DLGAP1: variants seen among roughly 807,000 people sequenced by gnomAD.
DLGAP1 encodes the protein disks large-associated protein 1.
Under a neutral mutation model 90.8 loss-of-function variants are expected in DLGAP1, and 11 were observed. The ratio of observed to expected loss-of-function variants is 0.12; its 90% CI spans 0.08 to 0.20. The LOEUF is 0.20. Ranked by LOEUF, DLGAP1 falls within the 10% of genes least tolerant of loss-of-function variation. The pLI is 1.00. For missense variants in DLGAP1, 1,050 were observed against 1,333.8 expected (o/e 0.79, Z 3.31); for synonymous variants, 558 against 540.7 (o/e 1.03, Z -0.44).
chr18:4,154,228 T>G (rs936938972), intron 1 of DLGAP1, among the ~76,000 whole-genome samples: 3 of 137,010 alleles, frequency 2.2e-5, no homozygotes, highest in African/African-American at 8.4e-5. Flanking sequence ...ACCCGGCTAT[T>G]TTTTTTTTTT....
intron 2 of DLGAP1, among the ~76,000 whole-genome samples, chr18:4,073,250 C>T (rs1347084922): frequency 1.3e-5 from 2 of 152,086 alleles, no homozygotes; most frequent in East Asian, 3.8e-4. Flanking sequence ...AACTCATAAC[C>T]AATTTTTTGA....
intron 1 of DLGAP1, among the ~76,000 whole-genome samples, chr18:4,178,202 A>AACACACACACACACAC (rs59444096): frequency 3.7e-4 from 44 of 118,476 alleles, no homozygotes; most frequent in African/African-American, 1.3e-3. Context: ...TCCTGGAATA[A>AACACACACACACACAC]ACACACACAC....
At chr18:3,825,575 AT>A (rs1011693488) in intron 4 of DLGAP1, among the ~76,000 whole-genome samples, 25 of 152,074 alleles carry the variant, frequency 1.6e-4, no homozygotes, top group African/African-American at 4.8e-4. Context: ...AATTTTGTGG[AT>A]TTTTTTTCCA....
chr18:4,257,935 T>G (rs2078922997), intron 1 of DLGAP1, among the ~76,000 whole-genome samples: 1 of 151,846 alleles, frequency 6.6e-6, no homozygotes, highest in African/African-American at 2.4e-5. Context: ...CAGTTCATTT[T>G]CTAGCAATCG....
At chr18:3,765,620 G>C (rs570781644) in intron 5 of DLGAP1, among the ~76,000 whole-genome samples, 5 of 152,086 alleles carry the variant, frequency 3.3e-5, no homozygotes, top group African/African-American at 1.2e-4. Flanking sequence ...GATCACCTGA[G>C]GTCAGGAGTT....
intron 2 of DLGAP1, among the ~76,000 whole-genome samples, chr18:4,065,599 G>T (rs2075359356): frequency 6.6e-6 from 1 of 151,950 alleles, no homozygotes; most frequent in Non-Finnish European, 1.5e-5. Context: ...AAATACTTGG[G>T]AATACAGCTA....
intron 9 of DLGAP1, among the ~76,000 whole-genome samples, chr18:3,537,189 G>T (rs765373700): frequency 6.6e-6 from 1 of 151,954 alleles, no homozygotes; most frequent in Admixed American, 6.6e-5. Flanking sequence ...TGCAACCATC[G>T]CCACCATCCA....
At chr18:3,752,850 G>A (rs2063560262) in intron 5 of DLGAP1, among the ~76,000 whole-genome samples, 1 of 151,996 alleles carries the variant, frequency 6.6e-6, no homozygotes, top group Admixed American at 6.6e-5. Context: ...GTTGTAGCAT[G>A]TATCAGTACT....
At chr18:3,576,647 C>A (rs2055164092) in intron 8 of DLGAP1, among the ~76,000 whole-genome samples, 1 of 151,734 alleles carries the variant, frequency 6.6e-6, no homozygotes, top group Admixed American at 6.6e-5. Context: ...TCACTGCAAC[C>A]TTCGCCTCCC....
chr18:3,996,276 G>C (rs1038027281), intron 3 of DLGAP1, among the ~76,000 whole-genome samples: 19 of 151,906 alleles, frequency 1.3e-4, no homozygotes, highest in African/African-American at 4.4e-4. Flanking sequence ...AAAAACAAAG[G>C]CTTTCTACTT....
chr18:3,801,389 C>T (rs1276644929), intron 5 of DLGAP1, among the ~76,000 whole-genome samples: 1 of 152,204 alleles, frequency 6.6e-6, no homozygotes, highest in Non-Finnish European at 1.5e-5. Context: ...CATTCTTTCC[C>T]TGCAGCAGTA....
chr18:3,843,127 T>C (rs1400006874), intron 4 of DLGAP1, among the ~76,000 whole-genome samples: 1 of 152,196 alleles, frequency 6.6e-6, no homozygotes, highest in East Asian at 1.9e-4. Context: ...TGTGTGTGTG[T>C]ATATAGGGAA....
intron 7 of DLGAP1, among the ~76,000 whole-genome samples, chr18:3,629,381 T>TAA (rs1286725934): frequency 6.6e-6 from 1 of 151,522 alleles, no homozygotes; most frequent in Non-Finnish European, 1.5e-5. Flanking sequence ...TAAATAAAAA[T>TAA]AAAAAATAGG....
At chr18:3,712,646 G>C (rs1054873951) in intron 7 of DLGAP1, among the ~76,000 whole-genome samples, 7 of 152,210 alleles carry the variant, frequency 4.6e-5, no homozygotes, top group African/African-American at 1.7e-4. Context: ...GTGTCAGGGG[G>C]CTAATTACTG....
At chr18:3,553,499 G>A (rs762328247) in intron 9 of DLGAP1, among the ~76,000 whole-genome samples, 2 of 152,050 alleles carry the variant, frequency 1.3e-5, no homozygotes, top group Non-Finnish European at 2.9e-5. Context: ...TAGATAATAC[G>A]TAAAAAGAAG....
Position 4,371,072 on chromosome 18 carries a change from T to C in DLGAP1, c.-267+83934A>G, listed in dbSNP as rs548105150. On this transcript the variant is annotated intron_variant, in intron 1 of 12. Coordinates refer to ENST00000315677, the MANE Select transcript of DLGAP1 (RefSeq NM_004746.4). ...AGATTCAGGAGACATAGAGGTAGCA[T>C]GACCAGTAGAGAAGAGCAGTTGTTG... Among the ~76,000 whole-genome samples, 33 of 152,348 alleles carry C rather than the reference T, an allele frequency of 2.2e-4. 2 individuals carry two copies. The South Asian group carries it at 6.4e-3, about 30-fold the overall frequency.
intron 2 of DLGAP1, among the ~76,000 whole-genome samples, chr18:4,127,646 T>C (rs1002093574): frequency 1.3e-5 from 2 of 152,154 alleles, no homozygotes; most frequent in South Asian, 2.1e-4. Context: ...CTCAGCATAA[T>C]TGTAAGAATC....
intron 5 of DLGAP1, among the ~76,000 whole-genome samples, chr18:3,791,814 A>C (rs1403791781): frequency 6.6e-6 from 1 of 152,130 alleles, no homozygotes; most frequent in Non-Finnish European, 1.5e-5. Context: ...CGGGAGGCTG[A>C]GGCAGGAGGA....
intron 5 of DLGAP1, among the ~76,000 whole-genome samples, chr18:3,811,168 T>C (rs1369984559): frequency 6.6e-6 from 1 of 152,166 alleles, no homozygotes; most frequent in Non-Finnish European, 1.5e-5. Flanking sequence ...AGGTTTAATG[T>C]GTAGACTGTA....
Sources: allele counts gnomAD v4.1 joint callset (sites outside exome capture counted in the v4.1 genomes callset), GRCh38; gene constraint gnomAD v4.1.1; transcripts MANE v1.5; gene names NCBI Gene and HGNC (gene_info 2026-07-23, HGNC 2026-07-21).